MGAT4C: variants seen among roughly 807,000 people sequenced by gnomAD.
MGAT4C encodes the protein MGAT4 family member C.
Under a neutral mutation model 40.1 loss-of-function variants are expected in MGAT4C, and 19 were observed. The ratio of observed to expected loss-of-function variants is 0.47; its 90% CI spans 0.33 to 0.70. MGAT4C has a LOEUF of 0.70. MGAT4C is among the 30% of genes least tolerant of loss of function. The probability of loss-of-function intolerance (pLI) is 0.02; values close to 1 mark genes in which losing one functional copy is unlikely to be tolerated. For missense variants in MGAT4C, 491 were observed against 563.2 expected, an observed-to-expected ratio of 0.87 and a Z score of 1.30; for synonymous variants, 181 against 187.1, an observed-to-expected ratio of 0.97 and a Z score of 0.27.
intron 1 of MGAT4C, among the ~76,000 whole-genome samples, chr12:86,111,076 T>C (rs2135642027): frequency 1.3e-5 from 2 of 151,930 alleles, no homozygotes; most frequent in South Asian, 2.1e-4. Flanking sequence ...TTTAATAAAA[T>C]GTTAAAGTAA....
At chr12:86,413,463 T>C (rs1363808442) in intron 3 of MGAT4C, among the ~76,000 whole-genome samples, 2 of 152,124 alleles carry the variant, frequency 1.3e-5, no homozygotes, top group African/African-American at 4.8e-5. Flanking sequence ...CAATGACAAA[T>C]TGATACTCAT....
chr12:86,222,507 T>A (rs1189955422), intron 1 of MGAT4C, among the ~76,000 whole-genome samples: 2 of 152,202 alleles, frequency 1.3e-5, no homozygotes, highest in African/African-American at 4.8e-5. Flanking sequence ...TCTATCCACC[T>A]AAATTATACC....
At chr12:86,769,676 T>C (rs1467075459) in intron 1 of MGAT4C, among the ~76,000 whole-genome samples, 1 of 152,136 alleles carries the variant, frequency 6.6e-6, no homozygotes, top group Non-Finnish European at 1.5e-5. Flanking sequence ...CATGGAATAC[T>C]ATGCAGCCAT....
At chr12:86,508,085 T>A (rs1297959564) in intron 2 of MGAT4C, among the ~76,000 whole-genome samples, 1 of 152,116 alleles carries the variant, frequency 6.6e-6, no homozygotes, top group Non-Finnish European at 1.5e-5. Flanking sequence ...TACTTTAAGT[T>A]TTAGGGTACA....
At chr12:86,072,534 G>A (rs987327754) in intron 1 of MGAT4C, among the ~76,000 whole-genome samples, 1 of 152,034 alleles carries the variant, frequency 6.6e-6, no homozygotes, top group Non-Finnish European at 1.5e-5. Flanking sequence ...ACACAGACAA[G>A]TCAAACAGAT....
intron 1 of MGAT4C, among the ~76,000 whole-genome samples, chr12:86,829,729 C>T (rs998337486): frequency 1.3e-5 from 2 of 150,852 alleles, no homozygotes; most frequent in African/African-American, 4.9e-5. Context: ...ATTGTTGTTA[C>T]TTATACTGGA....
At chr12:86,072,260 A>G (rs1868672939) in intron 1 of MGAT4C, among the ~76,000 whole-genome samples, 1 of 152,118 alleles carries the variant, frequency 6.6e-6, no homozygotes, top group Admixed American at 6.6e-5. Context: ...CACTAAACTA[A>G]TTATACAGAA....
At chr12:86,462,130 G>A (rs1018372668) in intron 2 of MGAT4C, among the ~76,000 whole-genome samples, 1 of 152,218 alleles carries the variant, frequency 6.6e-6, no homozygotes, top group African/African-American at 2.4e-5. Flanking sequence ...GATATTGCAT[G>A]CATTCCTTGA....
intron 2 of MGAT4C, among the ~76,000 whole-genome samples, chr12:86,501,124 T>C (rs1958332713): frequency 6.6e-6 from 1 of 152,036 alleles, no homozygotes; most frequent in Admixed American, 6.6e-5. Context: ...TGTTTAATTG[T>C]ATAGCCACAT....
At chr12:86,648,347 G>T (rs1963603510) in intron 2 of MGAT4C, among the ~76,000 whole-genome samples, 1 of 151,790 alleles carries the variant, frequency 6.6e-6, no homozygotes. Context: ...TGGTTTTGTT[G>T]TCAGAAAATA....
chr12:86,764,642 C>T (rs993296467), intron 1 of MGAT4C, among the ~76,000 whole-genome samples: 26 of 150,928 alleles, frequency 1.7e-4, no homozygotes, highest in African/African-American at 5.4e-4. Context: ...ACACCTCACA[C>T]GGCCGGGTAC....
chr12:86,024,753 T>C (rs573637228), intron 2 of MGAT4C, among the ~76,000 whole-genome samples: 1 of 151,940 alleles, frequency 6.6e-6, no homozygotes, highest in Admixed American at 6.6e-5. Flanking sequence ...GAAGCAGTCA[T>C]TTCCATAGTC....
chr12:86,198,870 T>C (rs1424594064), intron 1 of MGAT4C, among the ~76,000 whole-genome samples: 1 of 152,196 alleles, frequency 6.6e-6, no homozygotes, highest in Non-Finnish European at 1.5e-5. Context: ...TTTTGCAAGC[T>C]TGGGCATCAC....
At chr12:86,745,173 G>GA (rs894679924) in intron 1 of MGAT4C, 1 of 150,500 alleles carries the variant, frequency 6.6e-6, no homozygotes, top group Non-Finnish European at 1.5e-5. Context: ...GCAAAATAAA[G>GA]TTTTTTTTTT....
intron 2 of MGAT4C, among the ~76,000 whole-genome samples, chr12:86,451,838 G>A (rs1239597968): frequency 6.6e-6 from 1 of 151,750 alleles, no homozygotes; most frequent in Admixed American, 6.6e-5. Context: ...TCAGTGCTAG[G>A]GTTTTCACAC....
At chr12:86,825,508 C>T (rs1209875530) in intron 1 of MGAT4C, among the ~76,000 whole-genome samples, 1 of 151,190 alleles carries the variant, frequency 6.6e-6, no homozygotes, top group Non-Finnish European at 1.5e-5. Flanking sequence ...AATCAGAGAT[C>T]TTTATAACAT....
At chr12:86,521,142 C>T (rs1958787658) in intron 2 of MGAT4C, among the ~76,000 whole-genome samples, 1 of 152,118 alleles carries the variant, frequency 6.6e-6, no homozygotes, top group Admixed American at 6.6e-5. Flanking sequence ...AAAATACATG[C>T]TTGTTCCTGT....
At chr12:86,187,511 T>C (rs1321708914) in intron 1 of MGAT4C, among the ~76,000 whole-genome samples, 3 of 151,982 alleles carry the variant, frequency 2.0e-5, no homozygotes, top group African/African-American at 7.2e-5. Context: ...GTGGCAACTA[T>C]TGGTATAATA....
At chr12:86,060,626 T>C (rs1434413714) in intron 1 of MGAT4C, among the ~76,000 whole-genome samples, 1 of 152,150 alleles carries the variant, frequency 6.6e-6, no homozygotes, top group African/African-American at 2.4e-5. Flanking sequence ...ATCTTTCAAT[T>C]TGCAGCTGTT....
Sources: allele counts gnomAD v4.1 joint callset (sites outside exome capture counted in the v4.1 genomes callset), GRCh38; gene constraint gnomAD v4.1.1; transcripts MANE v1.5; gene names NCBI Gene and HGNC (gene_info 2026-07-23, HGNC 2026-07-21).